LUZP2: variants seen among roughly 807,000 people sequenced by gnomAD.
LUZP2 encodes the protein leucine zipper protein 2.
LUZP2 carries 52 observed loss-of-function variants against 51.6 expected under a neutral mutation model. The ratio of observed to expected loss-of-function variants is 1.01; its 90% CI spans 0.81 to 1.27. The LOEUF is 1.27. Ranked by LOEUF, LUZP2 falls within the 50% of genes most tolerant of loss-of-function variation. The pLI is 0.00. For missense variants in LUZP2, 436 were observed against 395.4 expected (o/e 1.10, Z -0.87); for synonymous variants, 154 against 137.3 (o/e 1.12, Z -0.85).
chr11:24,528,348 G>C (rs1850884836), intron 1 of LUZP2, among the ~76,000 whole-genome samples: 2 of 151,104 alleles, frequency 1.3e-5, no homozygotes. Flanking sequence ...CCTCTAAAGA[G>C]TGGATAAATT....
chr11:25,079,328 T>G lies in LUZP2; in HGVS notation c.*670T>G, dbSNP rs998470093. On this transcript the variant is annotated 3_prime_UTR_variant, in exon 12 of 12. Coordinates refer to ENST00000336930, the MANE Select transcript of LUZP2 (RefSeq NM_001009909.4). ...GACACAATTAAATATTTTGGCATTC[T>G]ATAGACACATCTCCTATGTATGTCT... The G allele has an allele frequency of 2.6e-5, 4 of 152,210 alleles. No homozygotes were observed. Among genetic ancestry groups the G allele is most frequent in the Admixed American group, 2.6e-4 (4 of 15,274 alleles). The allele number at this position is 152,210 out of a possible 1,614,324, so 9.4% of individuals were successfully genotyped here.
intron 1 of LUZP2, among the ~76,000 whole-genome samples, chr11:24,708,284 C>T (rs958743083): frequency 3.3e-5 from 5 of 152,170 alleles, no homozygotes; most frequent in African/African-American, 9.7e-5. Context: ...AAGAAAACCT[C>T]ATAGTCACAC....
chr11:24,717,018 GATTA>G (rs1228135153), intron 1 of LUZP2, among the ~76,000 whole-genome samples: 1 of 151,952 alleles, frequency 6.6e-6, no homozygotes, highest in Non-Finnish European at 1.5e-5. Flanking sequence ...TAAAACTAAT[GATTA>G]ATTATAAAAT....
Position 25,023,525 on chromosome 11 carries a change from C to G in LUZP2, c.766-26513C>G, listed in dbSNP as rs149436533. The stretch of plus-strand genomic sequence containing the variant: ...ATTTTTTATTGCATCTATTTGGTTC[C>G]TCTCTCTTTTCTTCTTTATTAATCT... On this transcript the variant is annotated intron_variant, in intron 9 of 11. Transcript: ENST00000336930. Among the ~76,000 whole-genome samples, 440 of 151,040 alleles carry G rather than the reference C, an allele frequency of 2.9e-3. 3 individuals carry two copies. Among genetic ancestry groups the G allele is most frequent in the African/African-American group, 0.01 (414 of 41,126 alleles).
At chr11:25,009,816 G>C (rs943640319) in intron 9 of LUZP2, among the ~76,000 whole-genome samples, 2 of 152,094 alleles carry the variant, frequency 1.3e-5, no homozygotes, top group Non-Finnish European at 2.9e-5. Context: ...TAGTGTCTCA[G>C]TCTCTGATAA....
chr11:25,050,251 T>C (rs1439213308), intron 10 of LUZP2, 121 bp downstream of exon 10: 1 of 400,968 alleles, frequency 2.5e-6, no homozygotes, highest in Non-Finnish European at 4.4e-6. Context: ...TATCTAAGGA[T>C]TGTACTTTTA....
intron 1 of LUZP2, among the ~76,000 whole-genome samples, chr11:24,662,436 G>A: frequency 1.3e-5 from 2 of 152,112 alleles, no homozygotes; most frequent in Middle Eastern, 7.1e-3. Context: ...ATTATAATAT[G>A]ATTTACAAAA....
intron 9 of LUZP2, among the ~76,000 whole-genome samples, chr11:25,012,227 T>C (rs1225147845): frequency 6.6e-6 from 1 of 152,186 alleles, no homozygotes; most frequent in Non-Finnish European, 1.5e-5. Flanking sequence ...TCTTAGTCTC[T>C]ACATCTTTAT....
intron 1 of LUZP2, among the ~76,000 whole-genome samples, chr11:24,696,006 T>C (rs544992427): frequency 6.6e-6 from 1 of 152,120 alleles, no homozygotes; most frequent in Non-Finnish European, 1.5e-5. Flanking sequence ...GGTATATGTG[T>C]GGGTTCAACA....
intron 1 of LUZP2, among the ~76,000 whole-genome samples, chr11:24,564,241 A>T (rs1287899769): frequency 2.0e-5 from 3 of 152,156 alleles, no homozygotes; most frequent in African/African-American, 7.2e-5. Flanking sequence ...TAAAATACAA[A>T]TATCCTAGTT....
chr11:25,077,274 C>T, intron 10 of LUZP2, 55 bp from the exon 11 acceptor site: 3 of 1,292,598 alleles, frequency 2.3e-6, no homozygotes, highest in Admixed American at 1.7e-5. Flanking sequence ...TTGACTCCCC[C>T]CTCCACTTTC....
chr11:24,571,672 G>C lies in LUZP2; in HGVS notation c.62+74367G>C, dbSNP rs920164093. On this transcript the variant is annotated intron_variant, in intron 1 of 11. Coordinates refer to ENST00000336930, the MANE Select transcript of LUZP2 (RefSeq NM_001009909.4). ...AGCAACATGGTCAAATGACTTAATC[G>C]CTTAAGAATATCTAAAATTGCCTTA... 2.6e-5 allele frequency among the ~76,000 whole-genome samples: 4 copies of C among 151,932 alleles called. No homozygotes were observed. The East Asian group carries it at 7.7e-4, about 29-fold the overall frequency.
intron 2 of LUZP2, among the ~76,000 whole-genome samples, chr11:24,731,890 C>T (rs1474816616): frequency 6.6e-6 from 1 of 151,670 alleles, no homozygotes; most frequent in Non-Finnish European, 1.5e-5. Flanking sequence ...GTTTCTCCTC[C>T]ATCGAACCTC....
intron 1 of LUZP2, among the ~76,000 whole-genome samples, chr11:24,680,891 T>C (rs1220812416): frequency 1.3e-5 from 2 of 152,196 alleles, no homozygotes; most frequent in East Asian, 3.9e-4. Flanking sequence ...TCTCAAACTT[T>C]GGACTGCTGT....
chr11:24,880,571 T>C (rs1214103262), intron 5 of LUZP2, among the ~76,000 whole-genome samples: 2 of 152,142 alleles, frequency 1.3e-5, no homozygotes, highest in Non-Finnish European at 2.9e-5. Context: ...GTGATACTCA[T>C]GCTATTGGCC....
intron 1 of LUZP2, among the ~76,000 whole-genome samples, chr11:24,674,392 T>C (rs947005942): frequency 6.6e-6 from 1 of 152,212 alleles, no homozygotes; most frequent in Non-Finnish European, 1.5e-5. Context: ...TTTCTCCTTC[T>C]ATGAAGCTTT....
At chr11:25,027,986 A>G (rs1163570453) in intron 9 of LUZP2, among the ~76,000 whole-genome samples, 1 of 152,124 alleles carries the variant, frequency 6.6e-6, no homozygotes, top group Non-Finnish European at 1.5e-5. Flanking sequence ...ATTTGATATA[A>G]TATACTTTCC....
At chr11:24,626,763 T>C (rs1037610566) in intron 1 of LUZP2, among the ~76,000 whole-genome samples, 5 of 145,336 alleles carry the variant, frequency 3.4e-5, no homozygotes, top group Admixed American at 1.3e-4. Flanking sequence ...GAGAAGATAG[T>C]ATTTTTTTCT....
At chr11:24,498,372 C>G (rs1389695893) in intron 1 of LUZP2, among the ~76,000 whole-genome samples, 1 of 152,186 alleles carries the variant, frequency 6.6e-6, no homozygotes, top group East Asian at 1.9e-4. Context: ...CTTACTCTGT[C>G]TTACAAATCA....
Sources: gnomAD v4.1 joint callset for allele counts (sites outside exome capture counted in the v4.1 genomes callset) on GRCh38, gnomAD v4.1.1 for gene constraint, MANE v1.5 for transcripts, NCBI Gene and HGNC (gene_info 2026-07-23, HGNC 2026-07-21) for gene names.